The following STK3 variants were observed in gnomAD, a reference collection of about 807,000 sequenced individuals.
STK3 encodes the protein serine/threonine-protein kinase 3.
STK3 carries 41 observed loss-of-function variants against 58.0 expected under a neutral mutation model. The ratio of observed to expected loss-of-function variants is 0.71; its 90% CI spans 0.55 to 0.92. The LOEUF (loss-of-function observed/expected upper bound fraction) is 0.92. Ranked by LOEUF, STK3 falls within the 40% of genes least tolerant of loss-of-function variation. STK3 has a pLI of 0.00. For missense variants in STK3, 479 were observed against 602.7 expected (o/e 0.79, Z 2.15); for synonymous variants, 170 against 191.0 (o/e 0.89, Z 0.91).
chr8:98,422,910 A>G (rs1818190208), intron 3 of STK3, among the ~76,000 whole-genome samples: 1 of 152,186 alleles, frequency 6.6e-6, no homozygotes, highest in Non-Finnish European at 1.5e-5. Flanking sequence ...CTCTGATCTA[A>G]TTGGCCTGGT....
At chr8:98,347,804 A>G in the STK3 span, among the ~76,000 whole-genome samples, 5 of 152,208 alleles carry the variant, frequency 3.3e-5, no homozygotes, top group Non-Finnish European at 7.3e-5. Context: ...GGATGATAGA[A>G]AGACAAAGTC....
chr8:98,387,873 CTTTTT>C (rs548274056), intron 1 of STK3, among the ~76,000 whole-genome samples: 1 of 135,038 alleles, frequency 7.4e-6, no homozygotes, highest in Non-Finnish European at 1.6e-5. Flanking sequence ...GTAAAATGCC[CTTTTT>C]TTTTTTTTTT....
intron 10 of STK3, among the ~76,000 whole-genome samples, chr8:98,512,309 AATTG>A (rs2131410143): frequency 6.6e-6 from 1 of 152,310 alleles, no homozygotes; most frequent in African/African-American, 2.4e-5. Context: ...AGACTATAGT[AATTG>A]ATTGGTCTGA....
chr8:98,459,819 T>C (rs1183578982), intron 10 of STK3, among the ~76,000 whole-genome samples: 2 of 152,236 alleles, frequency 1.3e-5, no homozygotes. Context: ...AAGTCAAGAA[T>C]TGAGGCTTGG....
At chr8:98,437,119 AC>A (rs1335861484) in exon 2 of STK3, 1 of 152,176 alleles carries the variant, frequency 6.6e-6, no homozygotes, top group Non-Finnish European at 1.5e-5. Context: ...CTTCTTGGCC[AC>A]CGTTGGTGCT....
chr8:98,467,747 C>T (rs1230248858), intron 10 of STK3, among the ~76,000 whole-genome samples: 1 of 152,010 alleles, frequency 6.6e-6, no homozygotes, highest in Admixed American at 6.6e-5. Context: ...AGGGGCTCAT[C>T]CTTTTCTTAG....
At chr8:98,611,548 A>T (rs1040432838) in intron 6 of STK3, among the ~76,000 whole-genome samples, 1 of 152,194 alleles carries the variant, frequency 6.6e-6, no homozygotes, top group African/African-American at 2.4e-5. Flanking sequence ...CCAGATAAAT[A>T]AACCCTTAGA....
chr8:98,869,282 G>A (rs1837274829), intron 3 of STK3, among the ~76,000 whole-genome samples: 10 of 152,034 alleles, frequency 6.6e-5, no homozygotes, highest in Admixed American at 6.6e-4. Context: ...TTAGCTGGAT[G>A]TGATGGCTCA....
At chr8:98,762,702 T>A (rs1277538668) in intron 3 of STK3, among the ~76,000 whole-genome samples, 4 of 152,242 alleles carry the variant, frequency 2.6e-5, no homozygotes, top group Non-Finnish European at 4.4e-5. Flanking sequence ...TGTTTAGATA[T>A]GAAAAGTTCC....
chr8:98,446,016 G>C (rs1176922024), intron 1 of STK3, among the ~76,000 whole-genome samples: 1 of 152,210 alleles, frequency 6.6e-6, no homozygotes, highest in East Asian at 1.9e-4. Context: ...AGGGCAGAGA[G>C]AGTAAGCAAG....
chr8:98,438,795 G>C (rs1818589633), intron 1 of STK3: 1 of 152,676 alleles, frequency 6.5e-6, no homozygotes, highest in Non-Finnish European at 1.5e-5. Context: ...GGATGTCTAT[G>C]AGTCTTGTGT....
chr8:98,594,007 T>C (rs1815575857), intron 7 of STK3, among the ~76,000 whole-genome samples: 1 of 152,164 alleles, frequency 6.6e-6, no homozygotes, highest in Admixed American at 6.5e-5. Flanking sequence ...TGGACTACTT[T>C]AAAATACATA....
chr8:98,743,094 T>C (rs1829351106), intron 4 of STK3, among the ~76,000 whole-genome samples: 1 of 151,972 alleles, frequency 6.6e-6, no homozygotes, highest in South Asian at 2.1e-4. Flanking sequence ...TACAAAGAAA[T>C]GGAAGAACAT....
At chr8:98,625,085 G>A (rs1442399896) in intron 6 of STK3, among the ~76,000 whole-genome samples, 1 of 152,120 alleles carries the variant, frequency 6.6e-6, no homozygotes, top group African/African-American at 2.4e-5. Flanking sequence ...GTGTGAATCA[G>A]CAGCTACTTC....
chr8:98,547,829 C>T (rs1395416958), intron 9 of STK3, 140 bp downstream of exon 9: 1 of 648,936 alleles, frequency 1.5e-6, no homozygotes, highest in Admixed American at 4.2e-5. Flanking sequence ...TTGTGCCATA[C>T]TCTTTTTTAC....
intron 4 of STK3, among the ~76,000 whole-genome samples, chr8:98,716,086 A>T (rs1826986502): frequency 6.6e-6 from 1 of 152,166 alleles, no homozygotes. Flanking sequence ...TTGAACAATG[A>T]GAACACATGG....
At chr8:98,366,656 G>A (rs1316506226), downstream of STK3, among the ~76,000 whole-genome samples, 1 of 152,130 alleles carries the variant, frequency 6.6e-6, no homozygotes, top group East Asian at 1.9e-4. Flanking sequence ...CCATTTTATG[G>A]TGGATCTATT....
intron 3 of STK3, among the ~76,000 whole-genome samples, chr8:98,394,773 T>A (rs771083572): frequency 3.9e-5 from 6 of 152,226 alleles, no homozygotes; most frequent in Admixed American, 6.5e-5. Context: ...TAAGTTACTG[T>A]GGCAAAGAAA....
At position 98,468,708 on chromosome 8, in the gene STK3, A is replaced by G. The variant is rs933072093; in HGVS notation, c.1318-12708T>C. Among the ~76,000 whole-genome samples, 47 of 152,220 alleles carry G rather than the reference A, an allele frequency of 3.1e-4. 1 individual carries two copies. Among genetic ancestry groups the G allele is most frequent in the Admixed American group, 1.3e-4 (2 of 15,284 alleles). The stretch of plus-strand genomic sequence containing the variant: ...CTCATGGGGGAAGAATCAACTTTCA[A>G]ATGTAAATGTTTCAAATCTTCAACT... On this transcript the variant is annotated intron_variant, in intron 10 of 10. Transcript: ENST00000419617.
Sources: allele counts gnomAD v4.1 joint callset (sites outside exome capture counted in the v4.1 genomes callset), GRCh38; gene constraint gnomAD v4.1.1; transcripts MANE v1.5; gene names NCBI Gene and HGNC (gene_info 2026-07-23, HGNC 2026-07-21).